The following ILDR1 variants were observed in gnomAD, a reference collection of about 807,000 sequenced individuals.
ILDR1 encodes immunoglobulin-like domain-containing receptor 1.
ILDR1 carries 56 observed loss-of-function variants against 62.4 expected under a neutral mutation model. That is an observed-to-expected ratio of 0.90 (90% confidence interval 0.72 to 1.12). The LOEUF is 1.12. Ranked by LOEUF, ILDR1 falls within the 50% of genes most tolerant of loss-of-function variation. ILDR1 has a pLI of 0.00. For missense variants in ILDR1, 736 were observed against 710.6 expected, an observed-to-expected ratio of 1.04 and a Z score of -0.41; for synonymous variants, 284 against 277.8, an observed-to-expected ratio of 1.02 and a Z score of -0.22.
chr3:122,045,114 T>G, the ILDR1 span, among the ~76,000 whole-genome samples: 2 of 152,006 alleles, frequency 1.3e-5, no homozygotes, highest in Non-Finnish European at 2.9e-5. Flanking sequence ...TCTGGTATGT[T>G]GTGTCTTTGT....
At chr3:122,004,984 C>G (rs920151488) in intron 3 of ILDR1, among the ~76,000 whole-genome samples, 2 of 152,194 alleles carry the variant, frequency 1.3e-5, no homozygotes, top group Non-Finnish European at 2.9e-5. Flanking sequence ...GCAAAGGGAA[C>G]CATTCACCCC....
intron 5 of ILDR1, among the ~76,000 whole-genome samples, chr3:122,000,829 G>A (rs952308962): frequency 2.9e-4 from 44 of 152,210 alleles, no homozygotes; most frequent in Admixed American, 2.0e-3. Context: ...GTTGGTGTGC[G>A]CTGAGTAATT....
intron 5 of ILDR1, among the ~76,000 whole-genome samples, chr3:121,996,736 G>T (rs999346184): frequency 6.6e-6 from 1 of 152,160 alleles, no homozygotes; most frequent in Admixed American, 6.5e-5. Flanking sequence ...CTAATGCAAG[G>T]CAAGAAAATT....
the ILDR1 span, among the ~76,000 whole-genome samples, chr3:122,046,248 C>T: frequency 6.7e-6 from 1 of 149,644 alleles, no homozygotes; most frequent in East Asian, 2.0e-4. Flanking sequence ...ATATCGGCCC[C>T]CACTCTCTTC....
the ILDR1 span, among the ~76,000 whole-genome samples, chr3:122,054,760 T>C: frequency 7.2e-5 from 11 of 152,224 alleles, no homozygotes; most frequent in Non-Finnish European, 1.5e-4. Context: ...ATTAATTCTA[T>C]GTTTGTCTCT....
the ILDR1 span, chr3:122,055,634 A>G: frequency 2.4e-6 from 2 of 837,056 alleles, no homozygotes; most frequent in East Asian, 2.5e-5. Context: ...CTTTTTCTAC[A>G]AAAGATCTTT....
chr3:122,061,540 T>C, the ILDR1 span, among the ~76,000 whole-genome samples: 2 of 152,050 alleles, frequency 1.3e-5, no homozygotes, highest in African/African-American at 4.8e-5. Context: ...ATCAGAAAAA[T>C]GGGCAAAAGA....
chr3:122,026,643 C>T (rs990158030), upstream of ILDR1, among the ~76,000 whole-genome samples: 1 of 152,134 alleles, frequency 6.6e-6, no homozygotes, highest in Non-Finnish European at 1.5e-5. Flanking sequence ...GAGCTGCATG[C>T]CTGTACAGGG....
upstream of ILDR1, among the ~76,000 whole-genome samples, chr3:122,026,545 C>A (rs138880643): frequency 5.6e-4 from 85 of 152,226 alleles, no homozygotes; most frequent in African/African-American, 1.8e-3. Context: ...AGACACATTG[C>A]GCTAGAGAGT....
chr3:122,046,813 C>T, the ILDR1 span, among the ~76,000 whole-genome samples: 1 of 134,836 alleles, frequency 7.4e-6, no homozygotes, highest in Admixed American at 7.5e-5. Flanking sequence ...TCTAGTTATA[C>T]ATTCTTCTAA....
chr3:122,057,099 C>T, the ILDR1 span, among the ~76,000 whole-genome samples: 1 of 152,158 alleles, frequency 6.6e-6, no homozygotes, highest in Non-Finnish European at 1.5e-5. Context: ...AGCAAGCAAT[C>T]AAGAACCCTC....
the ILDR1 span, among the ~76,000 whole-genome samples, chr3:122,032,281 G>C: frequency 1.7e-3 from 259 of 152,260 alleles, no homozygotes; most frequent in African/African-American, 3.6e-3. Flanking sequence ...AGATTCTTCT[G>C]TGTTTTGCAT....
At chr3:121,994,745 G>C (rs1021483056) in intron 5 of ILDR1, among the ~76,000 whole-genome samples, 1 of 152,228 alleles carries the variant, frequency 6.6e-6, no homozygotes, top group Admixed American at 6.5e-5. Context: ...TCAGGGGCTG[G>C]GGGCATCTGC....
At chr3:122,047,436 G>A in the ILDR1 span, among the ~76,000 whole-genome samples, 1 of 152,346 alleles carries the variant, frequency 6.6e-6, no homozygotes, top group South Asian at 2.1e-4. Context: ...GCTATGGTGG[G>A]CTCCACCCAG....
chr3:122,041,703 A>G, the ILDR1 span, among the ~76,000 whole-genome samples: 2 of 152,100 alleles, frequency 1.3e-5, no homozygotes, highest in African/African-American at 4.8e-5. Flanking sequence ...TTTCCTTTGC[A>G]GGTTGTTCAT....
rs556882881 is a variant in ILDR1, at chr3:121,993,272, G to A, written c.1477C>T (p.Arg493Trp). 3.7e-5 allele frequency: 59 copies of A among 1,613,422 alleles called. No individual in the cohort carries two copies. In the South Asian group the frequency reaches 4.8e-4, roughly 13 times the overall value. The part of the protein sequence containing the change: ...EDKERQPQSW[R>W]AHRRGSHSPH... ...GAGTGCGAGCCGCGGCGGTGGGCCC[G>A]CCAGCTCTGGGGCTGCCTCTCCTTG... Residue 493 changes from arginine (R) to tryptophan (W), a missense_variant, in exon 7 of 8, where the codon CGG becomes TGG. Arg to Trp is a moderately radical substitution (Grantham distance 101). Transcript: ENST00000344209.
chr3:122,006,285 A>T (rs1425022967), intron 2 of ILDR1, among the ~76,000 whole-genome samples: 2 of 152,194 alleles, frequency 1.3e-5, no homozygotes, highest in Non-Finnish European at 2.9e-5. Flanking sequence ...TCTCCAAAAA[A>T]TTAATTGTCT....
chr3:122,006,926 C>T, intron 2 of ILDR1, 65 bp downstream of exon 2: 1 of 1,526,430 alleles, frequency 6.6e-7, no homozygotes, highest in Non-Finnish European at 8.9e-7. Context: ...TCCCTCAACC[C>T]TAACCGCAGT....
chr3:122,055,979 C>T, the ILDR1 span, among the ~76,000 whole-genome samples: 3 of 152,066 alleles, frequency 2.0e-5, no homozygotes, highest in Middle Eastern at 3.4e-3. Flanking sequence ...ATAATCAGGC[C>T]ATGGGAGATT....
Sources: gnomAD v4.1 joint callset for allele counts (sites outside exome capture counted in the v4.1 genomes callset) on GRCh38, gnomAD v4.1.1 for gene constraint, MANE v1.5 for transcripts, NCBI Gene and HGNC (gene_info 2026-07-23, HGNC 2026-07-21) for gene names.